Variants in TEK observed in about 807,000 individuals in gnomAD.
TEK encodes the protein angiopoietin-1 receptor.
In TEK, 43 loss-of-function variants were observed where a neutral mutation model predicts 131.8. The observed-to-expected ratio is 0.33, with a 90% CI of 0.26 to 0.42. TEK has a LOEUF of 0.42. Ranked by LOEUF, TEK falls within the 10% of genes least tolerant of loss-of-function variation. The pLI is 1.00. For missense variants in TEK, 1,162 were observed against 1,384.4 expected, an observed-to-expected ratio of 0.84 and a Z score of 2.55; for synonymous variants, 580 against 491.6, an observed-to-expected ratio of 1.18 and a Z score of -2.38.
intron 1 of TEK, among the ~76,000 whole-genome samples, chr9:27,141,228 TTG>T (rs1367354584): frequency 6.6e-6 from 1 of 152,174 alleles, no homozygotes; most frequent in Non-Finnish European, 1.5e-5. Flanking sequence ...TTTTTGGTTT[TTG>T]TTTTCTTTCT....
chr9:27,149,220 G>A (rs1422994774), intron 1 of TEK, among the ~76,000 whole-genome samples: 1 of 152,210 alleles, frequency 6.6e-6, no homozygotes, highest in African/African-American at 2.4e-5. Flanking sequence ...TTGACTTTTA[G>A]ATGGTGTTTA....
chr9:27,114,637 T>A (rs530855925), intron 1 of TEK, among the ~76,000 whole-genome samples: 1 of 152,318 alleles, frequency 6.6e-6, no homozygotes, highest in South Asian at 2.1e-4. Context: ...GCAGTTACTT[T>A]TGCACCAATC....
At chr9:27,137,097 C>T (rs7847161) in intron 1 of TEK, among the ~76,000 whole-genome samples, 78,718 of 151,576 alleles carry the variant, frequency 0.52, 21,434 homozygotes, top group African/African-American at 0.57. Flanking sequence ...TTTGTATTTT[C>T]AGTAGAGACG....
In TEK at chr9:27,173,357, A is replaced by T. The variant is rs1372354897; in HGVS notation, c.896A>T (p.Asn299Ile). ...ACAGGCTGGAAGGGTCTGCAGTGCA[A>T]TGAAGGTATGCACCAATCACACCCT... ...CATGWKGLQC[N>I]EACHPGFYGP... Residue 299 changes from asparagine to isoleucine, a missense_variant, in exon 6 of 23, where the codon AAT becomes ATT. By Grantham distance (149) the Asn-to-Ile change is moderately radical. Transcript: ENST00000380036. The T allele has an allele frequency of 1.1e-5, 18 of 1,613,766 alleles. No individual in the cohort carries two copies. The highest frequency in any genetic ancestry group is 5.3e-5 in the African/African-American group (4 of 74,896).
intron 1 of TEK, among the ~76,000 whole-genome samples, chr9:27,142,143 A>T (rs374392230): frequency 6.6e-6 from 1 of 152,180 alleles, no homozygotes. Context: ...GAGGATATGA[A>T]AAGGAATGTG....
At chr9:27,225,300 G>C (rs1265777327) in intron 21 of TEK, among the ~76,000 whole-genome samples, 1 of 152,118 alleles carries the variant, frequency 6.6e-6, no homozygotes, top group Non-Finnish European at 1.5e-5. Context: ...TAAGCAAAAA[G>C]AACAAAACTG....
chr9:27,189,159 G>A (rs1824714689), intron 9 of TEK, among the ~76,000 whole-genome samples: 1 of 152,140 alleles, frequency 6.6e-6, no homozygotes, highest in African/African-American at 2.4e-5. Flanking sequence ...TAAGAAGGCT[G>A]GGCCAAGGGA....
At chr9:27,227,322 C>T (rs1826377905) in intron 21 of TEK, among the ~76,000 whole-genome samples, 1 of 152,254 alleles carries the variant, frequency 6.6e-6, no homozygotes. Context: ...CAGTGTTTCC[C>T]AAACTATGTT....
intron 1 of TEK, among the ~76,000 whole-genome samples, chr9:27,126,663 A>C (rs112462035): frequency 1.4e-4 from 22 of 152,252 alleles, no homozygotes; most frequent in Non-Finnish European, 1.6e-4. Context: ...AAACTGCTCC[A>C]GTCTAGGGTA....
At chr9:27,167,199 A>G (rs945626396) in intron 2 of TEK, among the ~76,000 whole-genome samples, 3 of 152,152 alleles carry the variant, frequency 2.0e-5, no homozygotes, top group Admixed American at 6.6e-5. Flanking sequence ...TTGACACAGT[A>G]ACAGAAATTT....
At chr9:27,220,019 G>GGACTT in intron 20 of TEK, 30 bp from the exon 21 acceptor site, 5 of 1,607,280 alleles carry the variant, frequency 3.1e-6, no homozygotes, top group Non-Finnish European at 4.3e-6. Context: ...ATGCCAGAGA[G>GGACTT]GACTTAGAGT....
rs1375573130 is a variant in TEK at position 27,206,633 on chromosome 9, A to G, written c.2416A>G (p.Lys806Glu). 8 of 1,613,946 alleles carry G rather than the reference A, an allele frequency of 5.0e-6. No individual in the cohort carries two copies. The highest frequency in any genetic ancestry group is 1.3e-5 in the African/African-American group (1 of 74,926). The change falls in exon 15 of 23, where the codon AAG becomes GAG. Residue 806 changes from lysine (K) to glutamate (E), a missense_variant. Around this residue, in one of 6 missense-constraint regions of TEK, gnomAD observed 477 missense variants for 471.0 expected, o/e 1.01. Coordinates refer to ENST00000380036, the MANE Select transcript of TEK (RefSeq NM_000459.5). The part of the protein sequence containing the change: ...FNSGTLALNR[K>E]VKNNPDPTIY... ...CTCAGGGACTCTGGCCCTAAACAGG[A>G]AGGTCAAAAACAACCCAGATCCTAC...
At chr9:27,159,748 T>C (rs1451934059) in intron 2 of TEK, among the ~76,000 whole-genome samples, 6 of 152,194 alleles carry the variant, frequency 3.9e-5, no homozygotes, top group Non-Finnish European at 5.9e-5. Context: ...AATTGTATTA[T>C]AAGGTTCCAG....
chr9:27,192,373 C>G, intron 10 of TEK, 116 bp from the exon 11 acceptor site: 1 of 1,179,378 alleles, frequency 8.5e-7, no homozygotes, highest in Non-Finnish European at 1.3e-6. Flanking sequence ...CTCTCTGTTT[C>G]ACTAAGACGT....
At chr9:27,122,468 C>G (rs536408345) in intron 1 of TEK, among the ~76,000 whole-genome samples, 2 of 152,170 alleles carry the variant, frequency 1.3e-5, no homozygotes, top group South Asian at 4.2e-4. Context: ...GTTTTTGCGG[C>G]TACACAATGG....
intron 16 of TEK, 121 bp from the exon 17 acceptor site, chr9:27,212,586 G>A (rs1825676072): frequency 9.9e-7 from 1 of 1,006,444 alleles, no homozygotes; most frequent in Non-Finnish European, 1.5e-6. Context: ...TCCCTGGGTG[G>A]TGTTGCTAGA....
intron 11 of TEK, among the ~76,000 whole-genome samples, chr9:27,194,119 C>G (rs536546686): frequency 1.3e-5 from 2 of 152,280 alleles, no homozygotes; most frequent in South Asian, 4.2e-4. Context: ...GGCTCCATAT[C>G]CTTTTGTTTC....
At chr9:27,111,112 G>A (rs986220802) in intron 1 of TEK, among the ~76,000 whole-genome samples, 9 of 152,094 alleles carry the variant, frequency 5.9e-5, no homozygotes, top group African/African-American at 2.2e-4. Context: ...TTGCAATACA[G>A]GCTTAGAAGA....
At chr9:27,183,402 C>T in intron 7 of TEK, 57 bp from the exon 8 acceptor site, 3 of 1,579,382 alleles carry the variant, frequency 1.9e-6, no homozygotes, top group Non-Finnish European at 2.6e-6. Context: ...TTTATTATTA[C>T]TACTGCTGCT....
Sources: allele counts gnomAD v4.1 joint callset (sites outside exome capture counted in the v4.1 genomes callset), GRCh38; gene constraint gnomAD v4.1.1; regional missense constraint gnomAD v4.1.1; transcripts MANE v1.5; gene names NCBI Gene and HGNC (gene_info 2026-07-23, HGNC 2026-07-21).